The following NR3C2 variants were observed in gnomAD, a reference collection of about 807,000 sequenced individuals.
NR3C2 encodes the protein mineralocorticoid receptor.
NR3C2 carries 15 observed loss-of-function variants against 86.4 expected under a neutral mutation model. The ratio of observed to expected loss-of-function variants is 0.17; its 90% CI spans 0.12 to 0.27. The LOEUF is 0.27. Among genes scored for constraint, NR3C2 ranks in the 10% least tolerant of loss-of-function variants. The pLI, the probability that NR3C2 is intolerant of heterozygous loss-of-function variation, is 1.00. For synonymous variants in NR3C2, 458 were observed against 450.5 expected, an observed-to-expected ratio of 1.02 and a Z score of -0.21; for missense variants, 960 against 1,195.6, an observed-to-expected ratio of 0.80 and a Z score of 2.91.
At chr4:148,333,688 C>T (rs1579171726) in intron 2 of NR3C2, among the ~76,000 whole-genome samples, 1 of 152,024 alleles carries the variant, frequency 6.6e-6, no homozygotes, top group Non-Finnish European at 1.5e-5. Context: ...CTGAACCTAC[C>T]CCTAGCTGAT....
At chr4:148,240,345 T>C (rs1738965979) in intron 3 of NR3C2, among the ~76,000 whole-genome samples, 1 of 151,670 alleles carries the variant, frequency 6.6e-6, no homozygotes, top group African/African-American at 2.4e-5. Context: ...CATCTCAATG[T>C]AGATTAGCCA....
intron 3 of NR3C2, among the ~76,000 whole-genome samples, chr4:148,231,881 T>A (rs556616994): frequency 6.6e-6 from 1 of 152,280 alleles, no homozygotes; most frequent in African/African-American, 2.4e-5. Flanking sequence ...AAGATTCCAT[T>A]TCAAGAAACC....
chr4:148,127,234 T>C (rs761208422), intron 6 of NR3C2, among the ~76,000 whole-genome samples: 66 of 151,450 alleles, frequency 4.4e-4, no homozygotes, highest in Admixed American at 1.4e-3. Flanking sequence ...TTTGTGCAAT[T>C]GTGCATTTTT....
At chr4:148,135,472 G>A (rs1733255604) in intron 6 of NR3C2, among the ~76,000 whole-genome samples, 1 of 152,114 alleles carries the variant, frequency 6.6e-6, no homozygotes, top group African/African-American at 2.4e-5. Flanking sequence ...TGAACCTGCT[G>A]GCACCTGCAA....
At chr4:148,275,765 C>G (rs1306588133) in intron 2 of NR3C2, among the ~76,000 whole-genome samples, 2 of 151,972 alleles carry the variant, frequency 1.3e-5, no homozygotes, top group African/African-American at 4.8e-5. Context: ...AAAATATGAA[C>G]CATAATGAAA....
chr4:148,100,942 T>C (rs1055862007), intron 8 of NR3C2, among the ~76,000 whole-genome samples: 6 of 152,206 alleles, frequency 3.9e-5, no homozygotes, highest in Non-Finnish European at 8.8e-5. Flanking sequence ...GACATTATGC[T>C]AAGTGAAATG....
intron 3 of NR3C2, among the ~76,000 whole-genome samples, chr4:148,220,276 C>CG (rs1213403656): frequency 1.3e-5 from 2 of 151,658 alleles, no homozygotes; most frequent in African/African-American, 2.4e-5. Flanking sequence ...TTTGTAGAGA[C>CG]GGGGTCTCAC....
At chr4:148,201,655 G>A (rs1736724649) in intron 3 of NR3C2, among the ~76,000 whole-genome samples, 1 of 152,164 alleles carries the variant, frequency 6.6e-6, no homozygotes, top group African/African-American at 2.4e-5. Context: ...AACCCTGGCT[G>A]ATGTTTGGTC....
At chr4:148,082,345 G>T (rs1034250490) in intron 8 of NR3C2, among the ~76,000 whole-genome samples, 7 of 152,192 alleles carry the variant, frequency 4.6e-5, no homozygotes, top group African/African-American at 1.7e-4. Flanking sequence ...GGTGATTGCT[G>T]CATTTCCAAC....
chr4:148,123,511 C>CCCCT (rs1400849755), intron 6 of NR3C2, among the ~76,000 whole-genome samples: 1 of 152,124 alleles, frequency 6.6e-6, no homozygotes, highest in Non-Finnish European at 1.5e-5. Context: ...GTTCTTACAC[C>CCCCT]CCCTCCCCTT....
At chr4:148,087,004 C>CATGATTAT (rs1358896170) in intron 8 of NR3C2, among the ~76,000 whole-genome samples, 1 of 152,164 alleles carries the variant, frequency 6.6e-6, no homozygotes, top group East Asian at 1.9e-4. Context: ...TTGCAGATGA[C>CATGATTAT]ATGATTATAT....
intron 2 of NR3C2, among the ~76,000 whole-genome samples, chr4:148,295,849 G>A (rs896845189): frequency 4.0e-5 from 6 of 151,876 alleles, no homozygotes; most frequent in African/African-American, 9.7e-5. Context: ...GGCAGGTCAC[G>A]TGATCCTGCC....
intron 2 of NR3C2, among the ~76,000 whole-genome samples, chr4:148,324,620 C>T (rs1157769203): frequency 1.3e-5 from 2 of 152,184 alleles, no homozygotes; most frequent in South Asian, 4.2e-4. Flanking sequence ...ATGGGGACTA[C>T]AGTTAATAAT....
At chr4:148,273,928 G>C (rs532817259) in intron 2 of NR3C2, among the ~76,000 whole-genome samples, 10 of 152,282 alleles carry the variant, frequency 6.6e-5, no homozygotes, top group African/African-American at 2.2e-4. Context: ...CTGGGGTGGA[G>C]TTGGGGGAAA....
At chr4:148,264,220 G>A (rs1459459053) in intron 2 of NR3C2, among the ~76,000 whole-genome samples, 1 of 152,132 alleles carries the variant, frequency 6.6e-6, no homozygotes, top group African/African-American at 2.4e-5. Context: ...CAAGAGACAG[G>A]TCACAAAAAT....
intron 3 of NR3C2, among the ~76,000 whole-genome samples, chr4:148,220,847 A>C (rs1281810362): frequency 6.6e-6 from 1 of 152,130 alleles, no homozygotes; most frequent in Non-Finnish European, 1.5e-5. Context: ...CAATCAACCA[A>C]TCTCTAAAAA....
At chr4:148,418,447 A>C (rs1204008057) in intron 2 of NR3C2, among the ~76,000 whole-genome samples, 1 of 152,200 alleles carries the variant, frequency 6.6e-6, no homozygotes, top group African/African-American at 2.4e-5. Flanking sequence ...TCTTCATGAT[A>C]ATCTCTATTT....
chr4:148,352,569 G>A (rs1561058429), intron 2 of NR3C2, among the ~76,000 whole-genome samples: 1 of 152,036 alleles, frequency 6.6e-6, no homozygotes, highest in Non-Finnish European at 1.5e-5. Flanking sequence ...TCTCCTACTG[G>A]CAACAGCAGG....
intron 8 of NR3C2, among the ~76,000 whole-genome samples, chr4:148,084,044 A>C (rs1196012476): frequency 6.6e-6 from 1 of 152,242 alleles, no homozygotes; most frequent in African/African-American, 2.4e-5. Context: ...ATCTACGTTT[A>C]ATTGGTGTAA....
Sources: allele counts gnomAD v4.1 joint callset (sites outside exome capture counted in the v4.1 genomes callset), GRCh38; gene constraint gnomAD v4.1.1; transcripts MANE v1.5; gene names NCBI Gene and HGNC (gene_info 2026-07-23, HGNC 2026-07-21).